KAZN: variants seen among roughly 807,000 people sequenced by gnomAD.
KAZN encodes the protein kazrin.
Under a neutral mutation model 87.4 loss-of-function variants are expected in KAZN, and 40 were observed. That is an observed-to-expected ratio of 0.46 (90% CI 0.36 to 0.60). The LOEUF (loss-of-function observed/expected upper bound fraction) is 0.60, where lower values mean the gene tolerates loss of function less well. Ranked by LOEUF, KAZN falls within the 20% of genes least tolerant of loss-of-function variation. The pLI, the probability that KAZN is intolerant of heterozygous loss-of-function variation, is 0.00. For missense variants in KAZN, 898 were observed against 1,073.9 expected (o/e 0.84, Z 2.29); for synonymous variants, 466 against 458.3 (o/e 1.02, Z -0.22).
chr1:14,072,989 G>A (rs1387516255), intron 1 of KAZN, among the ~76,000 whole-genome samples: 1 of 151,994 alleles, frequency 6.6e-6, no homozygotes, highest in Non-Finnish European at 1.5e-5. Flanking sequence ...TTTAGATCAG[G>A]GCTGGTTCTG....
At chr1:14,506,501 G>A (rs1252040654) in intron 2 of KAZN, among the ~76,000 whole-genome samples, 1 of 152,178 alleles carries the variant, frequency 6.6e-6, no homozygotes, top group Non-Finnish European at 1.5e-5. Flanking sequence ...AGACTGCAGA[G>A]CCCCAAATCG....
chr1:14,023,134 C>T (rs559347113), intron 1 of KAZN, among the ~76,000 whole-genome samples: 2 of 151,822 alleles, frequency 1.3e-5, no homozygotes, highest in African/African-American at 4.8e-5. Context: ...TGGAACATAG[C>T]AAGATCCCAT....
intron 2 of KAZN, among the ~76,000 whole-genome samples, chr1:14,350,331 A>G (rs1337413311): frequency 6.6e-6 from 1 of 152,192 alleles, no homozygotes; most frequent in Non-Finnish European, 1.5e-5. Flanking sequence ...TTTATAAACA[A>G]TGATGAAAAG....
intron 1 of KAZN, among the ~76,000 whole-genome samples, chr1:14,959,816 C>G (rs925965977): frequency 6.6e-6 from 1 of 152,134 alleles, no homozygotes; most frequent in South Asian, 2.1e-4. Context: ...TCTATCCGCC[C>G]GCAGGACTGA....
intron 2 of KAZN, among the ~76,000 whole-genome samples, chr1:14,448,399 A>G (rs1276522675): frequency 1.3e-5 from 2 of 152,242 alleles, no homozygotes; most frequent in East Asian, 3.9e-4. Flanking sequence ...ACGTGTTCAG[A>G]TACTTTCTGT....
intron 1 of KAZN, among the ~76,000 whole-genome samples, chr1:14,883,343 A>AGGG (rs375634372): frequency 1.5e-4 from 5 of 33,292 alleles, no homozygotes; most frequent in Admixed American, 8.4e-4. Context: ...AGAGAGAGAG[A>AGGG]AAGAAAGAAA....
At chr1:14,288,910 T>A (rs1398823319) in intron 2 of KAZN, among the ~76,000 whole-genome samples, 2 of 152,222 alleles carry the variant, frequency 1.3e-5, no homozygotes, top group Non-Finnish European at 2.9e-5. Flanking sequence ...CCAAAGAACG[T>A]CTTTATTTCT....
intron 1 of KAZN, among the ~76,000 whole-genome samples, chr1:13,964,684 G>T (rs983597384): frequency 6.6e-6 from 1 of 152,206 alleles, no homozygotes; most frequent in Admixed American, 6.5e-5. Context: ...CTACTGGGTG[G>T]CATGACATCC....
At chr1:14,096,987 C>T (rs1325767410) in intron 1 of KAZN, among the ~76,000 whole-genome samples, 1 of 152,202 alleles carries the variant, frequency 6.6e-6, no homozygotes, top group Non-Finnish European at 1.5e-5. Context: ...AAGGTGGAGC[C>T]TAGGAATCTG....
intron 2 of KAZN, among the ~76,000 whole-genome samples, chr1:14,201,674 G>A (rs57720666): frequency 0.013 from 1,929 of 152,240 alleles, 42 homozygotes; most frequent in African/African-American, 0.043. Context: ...TACATTGTTC[G>A]TTTCTTTTCT....
At chr1:14,441,826 A>G (rs1666723334) in intron 2 of KAZN, among the ~76,000 whole-genome samples, 1 of 152,222 alleles carries the variant, frequency 6.6e-6, no homozygotes, top group Non-Finnish European at 1.5e-5. Context: ...ATAAAGCAAA[A>G]AGGAGAGTTG....
chr1:14,382,456 T>G (rs1661446940), intron 2 of KAZN, among the ~76,000 whole-genome samples: 1 of 55,096 alleles, frequency 1.8e-5, no homozygotes, highest in Admixed American at 1.4e-4. Context: ...CTCCCAATGC[T>G]ATCCCTCCCC....
intron 1 of KAZN, among the ~76,000 whole-genome samples, chr1:14,654,287 C>CA (rs140822403): frequency 0.1 from 8,347 of 80,100 alleles, 1,124 homozygotes; most frequent in African/African-American, 0.3. Flanking sequence ...GGCTTCGTCT[C>CA]AAAAAAAAAA....
intron 2 of KAZN, among the ~76,000 whole-genome samples, chr1:14,563,740 C>T (rs1219983566): frequency 6.6e-6 from 1 of 152,170 alleles, no homozygotes; most frequent in Admixed American, 6.5e-5. Flanking sequence ...AGTTCAACTG[C>T]ATCACTTCTT....
chr1:14,260,311 G>T (rs1052175558), intron 2 of KAZN, among the ~76,000 whole-genome samples: 1 of 152,152 alleles, frequency 6.6e-6, no homozygotes, highest in Non-Finnish European at 1.5e-5. Context: ...ATGTCCGATG[G>T]GGTAAGTGCT....
In KAZN at chr1:14,572,111, G is replaced by A. The variant is rs74476457; in HGVS notation, c.250-26872G>A. 5.1e-3 allele frequency among the ~76,000 whole-genome samples: 778 copies of A among 152,284 alleles called. 3 individuals are homozygous for A. Among genetic ancestry groups the A allele is most frequent in the Non-Finnish European group, 7.8e-3 (528 of 68,018 alleles). Reference sequence around the variant, plus strand: ...CCGCTCTGGGATCAGCCCTCAGGAGGCAGGCCAAGTCATTTTCATCATTTA... The same window carrying A: ...CCGCTCTGGGATCAGCCCTCAGGAGACAGGCCAAGTCATTTTCATCATTTA... On this transcript the variant is annotated intron_variant, in intron 2 of 16. Coordinates refer to the KAZN transcript ENST00000636203.
chr1:14,639,551 G>A (rs934678074), intron 1 of KAZN, among the ~76,000 whole-genome samples: 4 of 152,172 alleles, frequency 2.6e-5, no homozygotes, highest in African/African-American at 7.2e-5. Flanking sequence ...GCCATTTGTA[G>A]GGTGAGCCGG....
At chr1:14,512,751 C>T (rs906205227) in intron 2 of KAZN, among the ~76,000 whole-genome samples, 1 of 152,100 alleles carries the variant, frequency 6.6e-6, no homozygotes, top group Non-Finnish European at 1.5e-5. Context: ...GGTTTATGAG[C>T]GAAATTAAGA....
At chr1:14,788,523 G>C (rs994390650) in intron 1 of KAZN, among the ~76,000 whole-genome samples, 2 of 152,098 alleles carry the variant, frequency 1.3e-5, no homozygotes, top group Non-Finnish European at 2.9e-5. Context: ...AGGCTTATAA[G>C]GTTTTCTTTC....
Sources: gnomAD v4.1 joint callset for allele counts (sites outside exome capture counted in the v4.1 genomes callset) on GRCh38, gnomAD v4.1.1 for gene constraint, MANE v1.5 for transcripts, NCBI Gene and HGNC (gene_info 2026-07-23, HGNC 2026-07-21) for gene names.